MEF2C: variants seen among roughly 807,000 people sequenced by gnomAD.
MEF2C encodes myocyte-specific enhancer factor 2C.
MEF2C carries 6 observed loss-of-function variants against 50.5 expected under a neutral mutation model. That is an observed-to-expected ratio of 0.12 (90% CI 0.07 to 0.23). The LOEUF is 0.23. MEF2C is among the 10% of genes least tolerant of loss of function. The pLI is 1.00. For synonymous variants in MEF2C, 183 were observed against 228.0 expected (o/e 0.80, Z 1.78); for missense variants, 276 against 605.0 (o/e 0.46, Z 5.70).
intron 6 of MEF2C, chr5:88,740,861 T>C: frequency 1.0e-6 from 1 of 984,772 alleles, no homozygotes; most frequent in Non-Finnish European, 1.2e-6. Context: ...GCTGTCTCTT[T>C]GCTAAAAATG....
intron 10 of MEF2C, among the ~76,000 whole-genome samples, chr5:88,726,812 T>G (rs971444671): frequency 1.3e-5 from 2 of 152,122 alleles, no homozygotes; most frequent in Non-Finnish European, 2.9e-5. Flanking sequence ...AGAAAAGAGT[T>G]TTAAAATTGT....
Position 88,861,882 on chromosome 5 carries a change from CTATT to C in MEF2C, c.-143+21069_-143+21072del, listed in dbSNP as rs539310277. On this transcript the variant is annotated intron_variant, in intron 1 of 10. Coordinates refer to ENST00000504921, the MANE Select transcript of MEF2C (RefSeq NM_002397.5). Reference sequence around the variant, plus strand: ...TGCATGTATGATGTTAATGTATTATCTATTTGAGATCAAATTCACTACATTTTGT... The same window carrying C: ...TGCATGTATGATGTTAATGTATTATCTGAGATCAAATTCACTACATTTTGT... 3.2e-4 allele frequency among the ~76,000 whole-genome samples: 48 copies of C among 152,302 alleles called. No individual in the cohort carries two copies. In the East Asian group the frequency reaches 7.9e-3, roughly 25 times the overall value.
In MEF2C at chr5:88,899,604, A is replaced by G. The variant is rs180885557; in HGVS notation, c.-240+4312T>C. On this transcript the variant is annotated intron_variant, in intron 1 of 11. Transcript: ENST00000340208. Reference sequence around the variant, plus strand: ...TCTTTGAAGAACACTCTTTAACTCTAATGAGGAAGCCTCTATGATCCTTCA... The same window carrying G: ...TCTTTGAAGAACACTCTTTAACTCTGATGAGGAAGCCTCTATGATCCTTCA... 9.2e-5 allele frequency among the ~76,000 whole-genome samples: 14 copies of G among 152,238 alleles called. No individual in the cohort carries two copies. In the East Asian group the frequency reaches 2.5e-3, roughly 27 times the overall value.
intron 1 of MEF2C, among the ~76,000 whole-genome samples, chr5:88,862,824 T>C (rs1045606336): frequency 3.3e-5 from 5 of 152,110 alleles, no homozygotes; most frequent in Non-Finnish European, 5.9e-5. Flanking sequence ...TCTGCCACAG[T>C]GAGGTTTCTA....
intron 3 of MEF2C, among the ~76,000 whole-genome samples, chr5:88,776,854 C>A (rs1785015668): frequency 6.6e-6 from 1 of 152,168 alleles, no homozygotes. Flanking sequence ...ATCCTGATAT[C>A]CACACCTGGC....
intron 2 of MEF2C, 59 bp from the exon 3 acceptor site, chr5:88,804,860 T>C (rs908126711): frequency 7.1e-7 from 1 of 1,405,400 alleles, no homozygotes; most frequent in Non-Finnish European, 9.8e-7. Context: ...TGTGGTTTTT[T>C]TCTTTTCTTT....
chr5:88,756,788 A>AT lies in MEF2C; in HGVS notation c.402+4396dup, dbSNP rs55995057. 7.4e-3 allele frequency among the ~76,000 whole-genome samples: 1,110 copies of AT among 149,472 alleles called. 11 individuals are homozygous for AT. Among genetic ancestry groups the AT allele is most frequent in the African/African-American group, 0.024 (982 of 40,626 alleles). On this transcript the variant is annotated intron_variant, in intron 4 of 10. Transcript: ENST00000504921. ...ACTTGAAAGCATCTACATTTAAACA[A>AT]TTTTTTTTTTTTGTCTAAAAAATGA...
chr5:88,849,773 T>TA lies in MEF2C; in HGVS notation c.-142-25844dup, dbSNP rs1491268685. Among the ~76,000 whole-genome samples, 5 of 152,198 alleles carry TA rather than the reference T, an allele frequency of 3.3e-5. No individual in the cohort carries two copies. The East Asian group carries it at 5.8e-4, about 18-fold the overall frequency. On this transcript the variant is annotated intron_variant, in intron 1 of 10. Transcript: ENST00000504921. ...TTAACATTTCACTCCAATACTTTTT[T>TA]AAAAAAACACTGAAGAGATAAATGA...
intron 3 of MEF2C, chr5:88,772,612 A>G: frequency 2.0e-6 from 1 of 502,234 alleles, no homozygotes. Flanking sequence ...AGGCAGAGAG[A>G]TTTTTCAAGG....
At chr5:88,809,243 C>T (rs1324219678) in intron 2 of MEF2C, among the ~76,000 whole-genome samples, 1 of 151,882 alleles carries the variant, frequency 6.6e-6, no homozygotes, top group African/African-American at 2.4e-5. Context: ...GAAGGAAAAA[C>T]AGAAATTAGA....
At chr5:88,774,173 T>TTAAC (rs200569823) in intron 3 of MEF2C, among the ~76,000 whole-genome samples, 2,846 of 152,300 alleles carry the variant, frequency 0.019, 79 homozygotes, top group African/African-American at 0.065. Context: ...AGGTAGAAGT[T>TTAAC]GTTAGAGTTT....
intron 6 of MEF2C, chr5:88,748,847 T>A (rs1490370877): frequency 2.0e-6 from 2 of 985,262 alleles, no homozygotes; most frequent in African/African-American, 1.7e-5. Flanking sequence ...GCTGACCAGT[T>A]GAAGCTTTAT....
intron 3 of MEF2C, among the ~76,000 whole-genome samples, chr5:88,776,941 G>T (rs1199834528): frequency 6.6e-6 from 1 of 152,188 alleles, no homozygotes; most frequent in Non-Finnish European, 1.5e-5. Flanking sequence ...CTGTCCTGTG[G>T]CCCCAGACAG....
At chr5:88,800,603 C>G (rs1797953027) in intron 3 of MEF2C, among the ~76,000 whole-genome samples, 1 of 152,120 alleles carries the variant, frequency 6.6e-6, no homozygotes, top group African/African-American at 2.4e-5. Flanking sequence ...CCAACATAAA[C>G]TGGTAGGGTT....
At chr5:88,752,212 C>A (rs1773148146) in intron 4 of MEF2C, among the ~76,000 whole-genome samples, 169 bp from the exon 5 acceptor site, 1 of 152,198 alleles carries the variant, frequency 6.6e-6, no homozygotes, top group Non-Finnish European at 1.5e-5. Flanking sequence ...AAATTGATTT[C>A]TTAAATGTGC....
intron 3 of MEF2C, among the ~76,000 whole-genome samples, chr5:88,786,745 T>C (rs902422249): frequency 6.6e-6 from 1 of 152,204 alleles, no homozygotes; most frequent in African/African-American, 2.4e-5. Context: ...TATCACTACA[T>C]TTATTAGTCT....
intron 3 of MEF2C, among the ~76,000 whole-genome samples, chr5:88,792,567 A>G (rs1269813211): frequency 1.3e-5 from 2 of 152,210 alleles, no homozygotes. Flanking sequence ...TTCATATTTC[A>G]GTCTAGACCA....
chr5:88,872,187 A>C (rs1280044229), intron 1 of MEF2C, among the ~76,000 whole-genome samples: 1 of 152,058 alleles, frequency 6.6e-6, no homozygotes, highest in East Asian at 1.9e-4. Context: ...AAACACCTAG[A>C]ACTCTTGGCG....
At position 88,722,480 on chromosome 5, in the gene MEF2C, G is replaced by A; in HGVS notation, c.*124C>T. 1 of 823,444 alleles carries A rather than the reference G, an allele frequency of 1.2e-6. No homozygotes were observed. Among genetic ancestry groups the A allele is most frequent in the South Asian group, 1.7e-5 (1 of 57,330 alleles). 51.0% of individuals were successfully genotyped at this position (823,444 alleles called of 1,614,324 possible). A position where few individuals can be genotyped will look rare whatever the true frequency, so the allele number is the denominator to read the frequency against. ...TTTAAAAGTACTTTTACAAAACAGA[G>A]TACCTGACTTTTTTTTTTTCCACAC... is the stretch of plus-strand genomic sequence containing the variant. On this transcript the variant is annotated 3_prime_UTR_variant, in exon 11 of 11. Transcript: ENST00000504921.
Sources: allele counts gnomAD v4.1 joint callset (sites outside exome capture counted in the v4.1 genomes callset), GRCh38; gene constraint gnomAD v4.1.1; transcripts MANE v1.5; gene names NCBI Gene and HGNC (gene_info 2026-07-23, HGNC 2026-07-21).